Variants in CTDSPL observed in about 807,000 individuals in gnomAD.
The protein encoded by CTDSPL is CTD small phosphatase like, also known as CTD small phosphatase-like protein.
Under a neutral mutation model 30.5 loss-of-function variants are expected in CTDSPL, and 8 were observed. The ratio of observed to expected loss-of-function variants is 0.26; its 90% CI spans 0.15 to 0.47. The LOEUF is 0.47. CTDSPL is among the 20% of genes least tolerant of loss of function. The probability of loss-of-function intolerance (pLI) is 0.99; values close to 1 mark genes in which losing one functional copy is unlikely to be tolerated. For missense variants in CTDSPL, 248 were observed against 366.1 expected (o/e 0.68, Z 2.63); for synonymous variants, 110 against 137.9 (o/e 0.80, Z 1.42).
intron 2 of CTDSPL, among the ~76,000 whole-genome samples, chr3:37,953,134 A>G (rs1699128644): frequency 6.6e-6 from 1 of 152,240 alleles, no homozygotes; most frequent in African/African-American, 2.4e-5. Context: ...TTTTTATCTT[A>G]CTAATCCTTC....
At chr3:37,886,153 A>C (rs894059016) in intron 1 of CTDSPL, among the ~76,000 whole-genome samples, 5 of 152,124 alleles carry the variant, frequency 3.3e-5, no homozygotes, top group Admixed American at 6.5e-5. Context: ...TGGGCTGCCA[A>C]AGTCATCTTC....
intron 1 of CTDSPL, among the ~76,000 whole-genome samples, chr3:37,914,019 G>GTTTGGCAGAA (rs1274455694): frequency 2.0e-5 from 3 of 152,192 alleles, no homozygotes; most frequent in African/African-American, 7.2e-5. Flanking sequence ...CTGTAGGCGA[G>GTTTGGCAGAA]TTTGGCAGAA....
Position 37,862,364 on chromosome 3 carries a change from C to A in CTDSPL, c.79+86C>A. On this transcript the variant is annotated intron_variant, in intron 1 of 7. Coordinates refer to ENST00000273179, the MANE Select transcript of CTDSPL (RefSeq NM_001008392.2). This position sits in a 1 kb window ranked among gnomAD's most constrained non-coding sequence, Gnocchi z 4.3. The stretch of plus-strand genomic sequence containing the variant: ...TTCACTGCCGGGCGCCGGCATGGGC[C>A]TGGGGGAGGGGTGCACAGGGCCCGG... The A allele has an allele frequency of 8.3e-7, 1 of 1,209,592 alleles. No individual in the cohort carries two copies. Among genetic ancestry groups the A allele is most frequent in the Non-Finnish European group, 1.1e-6 (1 of 932,476 alleles). The allele number at this position is 1,209,592 out of a possible 1,614,324, so 74.9% of individuals were successfully genotyped here.
chr3:37,889,378 T>TA (rs1192586946), intron 1 of CTDSPL, among the ~76,000 whole-genome samples: 1 of 151,942 alleles, frequency 6.6e-6, no homozygotes, highest in Admixed American at 6.6e-5. Flanking sequence ...TCTTGGAAAA[T>TA]AAAAATATCA....
intron 3 of CTDSPL, among the ~76,000 whole-genome samples, chr3:37,963,074 C>T (rs1244728570): frequency 2.0e-5 from 3 of 152,220 alleles, no homozygotes; most frequent in Non-Finnish European, 4.4e-5. Context: ...TCTAGATCCT[C>T]GAATTTCGTG....
chr3:37,883,306 G>A (rs1327278865), intron 1 of CTDSPL, among the ~76,000 whole-genome samples: 5 of 152,212 alleles, frequency 3.3e-5, no homozygotes, highest in African/African-American at 7.2e-5. Context: ...TGGCTCCCCC[G>A]TGGTCTAAGC....
intron 1 of CTDSPL, among the ~76,000 whole-genome samples, chr3:37,911,189 A>C (rs1439027639): frequency 2.6e-5 from 4 of 152,244 alleles, no homozygotes; most frequent in Non-Finnish European, 5.9e-5. Context: ...GTACTCAGGA[A>C]ATCAAAGCAG....
chr3:37,896,475 G>T (rs73056994), intron 1 of CTDSPL, among the ~76,000 whole-genome samples: 8,461 of 152,222 alleles, frequency 0.056, 294 homozygotes, highest in African/African-American at 0.1. Context: ...CAATAGATAG[G>T]TAGGAGACAT....
In CTDSPL at chr3:37,957,352, G is replaced by A. The variant is rs1015145839; in HGVS notation, c.267+209G>A. ...TGTACAGAGACAGTTTCCTTTCTCA[G>A]GAACAGCAGGGCAGCCAGCTCCATT... On this transcript the variant is annotated intron_variant, in intron 3 of 7. Transcript: ENST00000273179. 2.6e-5 allele frequency among the ~76,000 whole-genome samples: 4 copies of A among 152,230 alleles called. No homozygotes were observed. The East Asian group carries it at 7.7e-4, about 29-fold the overall frequency.
chr3:37,939,678 C>T (rs1698955708), intron 1 of CTDSPL, among the ~76,000 whole-genome samples: 1 of 150,252 alleles, frequency 6.7e-6, no homozygotes, highest in African/African-American at 2.4e-5. Flanking sequence ...CTCCTTGCTA[C>T]TCCTTTGATT....
Position 37,984,129 on chromosome 3 carries a change from G to A in CTDSPL, c.*3262G>A. On this transcript the variant is annotated 3_prime_UTR_variant, in exon 8 of 8. Transcript: ENST00000273179. ...CTGTGCTGGACAGTTGGCATGCCAG[G>A]GTTCGAGAAGAGTGAATGGCTTGAC... is the stretch of plus-strand genomic sequence containing the variant. 4.5e-6 allele frequency: 2 copies of A among 446,976 alleles called. No homozygotes were observed. The highest frequency in any genetic ancestry group is 3.1e-5 in the South Asian group (2 of 64,174). 27.7% of individuals were successfully genotyped at this position (446,976 alleles called of 1,614,324 possible).
intron 1 of CTDSPL, among the ~76,000 whole-genome samples, chr3:37,892,378 A>G (rs1165578309): frequency 6.6e-6 from 1 of 152,192 alleles, no homozygotes; most frequent in Non-Finnish European, 1.5e-5. Context: ...TTTATTGACT[A>G]CTTACTATCA....
At chr3:37,916,494 C>A (rs1020394319) in intron 1 of CTDSPL, among the ~76,000 whole-genome samples, 4 of 152,112 alleles carry the variant, frequency 2.6e-5, no homozygotes, top group Non-Finnish European at 5.9e-5. Flanking sequence ...GACCCTTAAT[C>A]CAGTATGACT....
intron 1 of CTDSPL, among the ~76,000 whole-genome samples, chr3:37,881,347 G>C (rs765183607): frequency 8.6e-5 from 13 of 151,936 alleles, no homozygotes; most frequent in African/African-American, 1.5e-4. Flanking sequence ...TGGCCAACAT[G>C]GTGAAATCCT....
Position 37,982,023 on chromosome 3 carries a change from T to C in CTDSPL, c.*1156T>C, listed in dbSNP as rs1236396585. ...TGCAGCCTCCACCACCTGTAACCCC[T>C]TCCTGGCATTGGCCACTGAAGGGTA... On this transcript the variant is annotated 3_prime_UTR_variant, in exon 8 of 8. Transcript: ENST00000273179. 1 of 396,890 alleles carries C rather than the reference T, an allele frequency of 2.5e-6. No individual in the cohort carries two copies. The highest frequency in any genetic ancestry group is 3.0e-5 in the Admixed American group (1 of 33,808). 24.6% of individuals were successfully genotyped at this position (396,890 alleles called of 1,614,324 possible). A position where few individuals can be genotyped will look rare whatever the true frequency, so the allele number is the denominator to read the frequency against.
At chr3:37,905,750 A>G (rs1698507988) in intron 1 of CTDSPL, among the ~76,000 whole-genome samples, 1 of 152,208 alleles carries the variant, frequency 6.6e-6, no homozygotes, top group African/African-American at 2.4e-5. Flanking sequence ...CCAAGGTGTA[A>G]CACACAGGTC....
At chr3:37,916,583 G>A (rs1259919986) in intron 1 of CTDSPL, among the ~76,000 whole-genome samples, 1 of 152,172 alleles carries the variant, frequency 6.6e-6, no homozygotes, top group Admixed American at 6.5e-5. Context: ...TTAGAGTGAT[G>A]CATCTACAAG....
Position 37,984,260 on chromosome 3 carries a change from A to T in CTDSPL, c.*3393A>T, listed in dbSNP as rs1192396503. On this transcript the variant is annotated 3_prime_UTR_variant, in exon 8 of 8. Transcript: ENST00000273179. ...TCCATTCTCCCAGGAGCTTCTCTGC[A>T]GACTGACACACCCTCCCCCACCCCG... 1 of 310,216 alleles carries T rather than the reference A, an allele frequency of 3.2e-6. No homozygotes were observed. The highest frequency in any genetic ancestry group is 6.5e-6 in the Non-Finnish European group (1 of 154,962). 19.2% of individuals were successfully genotyped at this position (310,216 alleles called of 1,614,324 possible). A position where few individuals can be genotyped will look rare whatever the true frequency, so the allele number is the denominator to read the frequency against.
intron 1 of CTDSPL, chr3:37,911,806 C>A (rs1479300590): frequency 2.3e-6 from 1 of 438,656 alleles, no homozygotes; most frequent in Non-Finnish European, 4.6e-6. Flanking sequence ...CGCCTATAAT[C>A]CCAGCACTTT....
Sources: gnomAD v4.1 joint callset for allele counts (sites outside exome capture counted in the v4.1 genomes callset) on GRCh38, gnomAD v4.1.1 for gene constraint, Gnocchi (gnomAD v3.1) non-coding constraint, MANE v1.5 for transcripts, NCBI Gene and HGNC (gene_info 2026-07-23, HGNC 2026-07-21) for gene names.